CPNE2: variants seen among roughly 807,000 people sequenced by gnomAD.
The protein encoded by CPNE2 is copine 2.
CPNE2 carries 42 observed loss-of-function variants against 69.7 expected under a neutral mutation model. The ratio of observed to expected loss-of-function variants is 0.60; its 90% confidence interval spans 0.47 to 0.78. The LOEUF is 0.78. CPNE2 is among the 30% of genes least tolerant of loss of function. The probability of loss-of-function intolerance (pLI) is 0.00; values close to 1 mark genes in which losing one functional copy is unlikely to be tolerated. For missense variants in CPNE2, 587 were observed against 732.0 expected (o/e 0.80, Z 2.29); for synonymous variants, 294 against 289.8 (o/e 1.01, Z -0.15).
At chr16:57,100,100 G>C (rs577688958) in intron 1 of CPNE2, among the ~76,000 whole-genome samples, 134 of 151,954 alleles carry the variant, frequency 8.8e-4, no homozygotes, top group African/African-American at 3.0e-3. Context: ...GTGGGGATGG[G>C]GTTTCACAAT....
At chr16:57,108,701 G>A (rs2069662374) in intron 1 of CPNE2, among the ~76,000 whole-genome samples, 1 of 152,198 alleles carries the variant, frequency 6.6e-6, no homozygotes, top group African/African-American at 2.4e-5. Context: ...GTGTGACCTA[G>A]GTCCCCCTCC....
Position 57,147,608 on chromosome 16 carries a change from C to T in CPNE2, c.1597C>T (p.Gln533Ter). 1 of 1,609,610 alleles carries T rather than the reference C, an allele frequency of 6.2e-7. No individual in the cohort carries two copies. Among genetic ancestry groups the T allele is most frequent in the Non-Finnish European group, 8.5e-7 (1 of 1,176,816 alleles). Residue 533 changes from glutamine to a stop codon, truncating the protein, a stop_gained, in exon 16 of 16, where the codon CAG (glutamine) becomes TAG (stop). Transcript: ENST00000290776. LOFTEE classifies it high-confidence loss of function. ...GGCGGAGCTGCCCCAACAAGTTGTG[C>T]AGTATTTCAAGCATAAAAACCTGCC... ...VLAELPQQVV[Q>*]YFKHKNLPPT... is the part of the protein sequence containing the mutation.
intron 3 of CPNE2, among the ~76,000 whole-genome samples, chr16:57,114,090 T>C (rs969455594): frequency 7.9e-5 from 12 of 152,230 alleles, no homozygotes; most frequent in African/African-American, 2.7e-4. Flanking sequence ...GAGACTGAAA[T>C]GCCCGGGGCC....
At chr16:57,116,107 C>A (rs1375533093) in intron 4 of CPNE2, among the ~76,000 whole-genome samples, 1 of 152,124 alleles carries the variant, frequency 6.6e-6, no homozygotes, top group African/African-American at 2.4e-5. Flanking sequence ...AGAAGCCATG[C>A]CTTTGTGTGT....
intron 1 of CPNE2, among the ~76,000 whole-genome samples, chr16:57,096,197 T>C (rs1010027873): frequency 6.6e-6 from 1 of 152,224 alleles, no homozygotes; most frequent in Admixed American, 6.5e-5. Flanking sequence ...CTTACCATAC[T>C]GAGTGCTGGA....
chr16:57,095,994 G>C (rs1438778186), intron 1 of CPNE2, among the ~76,000 whole-genome samples: 1 of 152,256 alleles, frequency 6.6e-6, no homozygotes, highest in Non-Finnish European at 1.5e-5. Flanking sequence ...AACAGTGTCT[G>C]TCTTGTTTAG....
At chr16:57,097,640 C>T (rs2069586105) in intron 1 of CPNE2, among the ~76,000 whole-genome samples, 1 of 152,194 alleles carries the variant, frequency 6.6e-6, no homozygotes, top group African/African-American at 2.4e-5. Flanking sequence ...GGGTGACTTT[C>T]TCCAGCACAC....
At chr16:57,108,208 G>A (rs1249343491) in intron 1 of CPNE2, among the ~76,000 whole-genome samples, 1 of 152,188 alleles carries the variant, frequency 6.6e-6, no homozygotes, top group African/African-American at 2.4e-5. Flanking sequence ...CCAGCACTGG[G>A]ACAGTTCTTG....
chr16:57,124,918 G>C (rs1233808465), intron 10 of CPNE2: 1 of 240,170 alleles, frequency 4.2e-6, no homozygotes, highest in East Asian at 1.0e-4. Flanking sequence ...AACTCACACT[G>C]ACTGCCTCCT....
At chr16:57,143,334 A>G (rs777352668) in intron 14 of CPNE2, 6 of 152,322 alleles carry the variant, frequency 3.9e-5, no homozygotes, top group Non-Finnish European at 8.8e-5. Flanking sequence ...TGATTGGCAC[A>G]TAGGGGTGCG....
intron 1 of CPNE2, chr16:57,106,315 C>A (rs1370371987): frequency 6.6e-6 from 1 of 152,668 alleles, no homozygotes; most frequent in Non-Finnish European, 1.5e-5. Flanking sequence ...GCCACCGCCC[C>A]CTGCCCCTGT....
At chr16:57,104,655 G>A (rs112520422) in intron 1 of CPNE2, among the ~76,000 whole-genome samples, 2 of 152,178 alleles carry the variant, frequency 1.3e-5, no homozygotes, top group African/African-American at 2.4e-5. Context: ...CCTGAGGGAC[G>A]GGGCAGACAG....
In CPNE2 at chr16:57,148,180, A is replaced by G. The variant is rs1275748134; in HGVS notation, c.*522A>G. 2.0e-5 allele frequency: 3 copies of G among 152,214 alleles called. No individual in the cohort carries two copies. Among genetic ancestry groups the G allele is most frequent in the Non-Finnish European group, 1.5e-5 (1 of 68,070 alleles). The allele number at this position is 152,214 out of a possible 1,614,324, so 9.4% of individuals were successfully genotyped here. A position where few individuals can be genotyped will look rare whatever the true frequency, so the allele number is the denominator to read the frequency against. ...GACCTGACGGGCTCACTGATCTAAG[A>G]AAGGAAATGGAAAATGAAAATCCAC... is the stretch of plus-strand genomic sequence containing the variant. On this transcript the variant is annotated 3_prime_UTR_variant, in exon 16 of 16. Transcript: ENST00000290776.
chr16:57,106,856 A>T (rs1162501205), intron 1 of CPNE2, among the ~76,000 whole-genome samples: 2 of 152,152 alleles, frequency 1.3e-5, no homozygotes, highest in African/African-American at 4.8e-5. Flanking sequence ...CCCTGATCAC[A>T]ACCTGCCCGC....
At chr16:57,102,657 A>G (rs2069622099) in intron 1 of CPNE2, among the ~76,000 whole-genome samples, 2 of 149,908 alleles carry the variant, frequency 1.3e-5, no homozygotes, top group Admixed American at 1.3e-4. Context: ...GCTGGAGTGC[A>G]GTGGCACGAT....
intron 13 of CPNE2, among the ~76,000 whole-genome samples, chr16:57,135,196 C>A (rs1449831860): frequency 6.6e-6 from 1 of 152,152 alleles, no homozygotes. Flanking sequence ...GAGGGTGGCA[C>A]CAGACACACC....
At chr16:57,111,850 C>T (rs964476813) in intron 2 of CPNE2, among the ~76,000 whole-genome samples, 1 of 152,210 alleles carries the variant, frequency 6.6e-6, no homozygotes, top group African/African-American at 2.4e-5. Flanking sequence ...GAAACCTAAG[C>T]TGTTCAGACC....
At chr16:57,119,427 A>G in intron 6 of CPNE2, 134 bp from the exon 7 acceptor site, 6 of 1,114,690 alleles carry the variant, frequency 5.4e-6, no homozygotes, top group East Asian at 2.4e-5. Flanking sequence ...TCCCAGCCAC[A>G]GGGACGCTCA....
chr16:57,110,735 C>A lies in CPNE2; in HGVS notation c.-8C>A. ...TGCCAGGAACTCCTGCCACCGCCAC[C>A]GGCTCCCATGGCCCACATACCCAGT... is the stretch of plus-strand genomic sequence containing the variant. On this transcript the variant is annotated 5_prime_UTR_variant, in exon 2 of 16. Transcript: ENST00000290776. 1 of 1,595,648 alleles carries A rather than the reference C, an allele frequency of 6.3e-7. No homozygotes were observed. The highest frequency in any genetic ancestry group is 8.5e-7 in the Non-Finnish European group (1 of 1,170,378).
Sources: allele counts gnomAD v4.1 joint callset (sites outside exome capture counted in the v4.1 genomes callset), GRCh38; gene constraint gnomAD v4.1.1; transcripts MANE v1.5; gene names NCBI Gene and HGNC (gene_info 2026-07-23, HGNC 2026-07-21).